The following POLH variants were observed in gnomAD, a reference collection of about 807,000 sequenced individuals.
The protein encoded by POLH is DNA polymerase eta transcript.
POLH carries 53 observed loss-of-function variants against 73.6 expected under a neutral mutation model. The ratio of observed to expected loss-of-function variants is 0.72; its 90% CI spans 0.58 to 0.91. The LOEUF is 0.91. Among genes scored for constraint, POLH ranks in the 40% least tolerant of loss-of-function variants. The pLI is 0.00. For missense variants in POLH, 768 were observed against 865.4 expected, an observed-to-expected ratio of 0.89 and a Z score of 1.41; for synonymous variants, 292 against 308.5, an observed-to-expected ratio of 0.95 and a Z score of 0.56.
rs755826058 is a variant in POLH at position 43,587,413 on chromosome 6, G to A, written c.414G>A (p.Ser138=). Reference sequence around the variant, plus strand: ...AAAAGCTACAAGGTCAGCCTATCTCGGCAGACTTGTTGCCAAGCACTTACA... The same window carrying A: ...AAAAGCTACAAGGTCAGCCTATCTCAGCAGACTTGTTGCCAAGCACTTACA... ...RLQKLQGQPI[S]ADLLPSTYIE... The change falls in exon 4 of 11, where the codon TCG becomes TCA. Residue 138 remains serine, a synonymous_variant. Transcript: ENST00000372236. The A allele has an allele frequency of 6.2e-7, 1 of 1,614,190 alleles. No individual in the cohort carries two copies. Among genetic ancestry groups the A allele is most frequent in the Non-Finnish European group, 8.5e-7 (1 of 1,180,038 alleles).
chr6:43,583,853 A>G (rs6936582), intron 3 of POLH, among the ~76,000 whole-genome samples: 28,663 of 152,188 alleles, frequency 0.19, 5,763 homozygotes, highest in African/African-American at 0.51. Flanking sequence ...TAGGCTGGGG[A>G]TGGTGGCTCA....
At position 43,605,301 on chromosome 6, in the gene POLH, G is replaced by A; in HGVS notation, c.1056G>A (p.Leu352=). ...LQLAQELEER[L]TKDRNDNDRV... ...TAGCCCAGGAACTAGAGGAGAGACTGACTAAAGACCGAAATGATGTAAGAT... is the reference window on the plus strand; with the variant it reads ...TAGCCCAGGAACTAGAGGAGAGACTAACTAAAGACCGAAATGATGTAAGAT... Residue 352 remains leucine, a synonymous_variant, in exon 9 of 11, where the codon CTG becomes CTA. Coordinates refer to ENST00000372236, the MANE Select transcript of POLH (RefSeq NM_006502.3). 6.3e-7 allele frequency: 1 copy of A among 1,589,706 alleles called. No homozygotes were observed. The highest frequency in any genetic ancestry group is 8.6e-7 in the Non-Finnish European group (1 of 1,158,156).
intron 9 of POLH, among the ~76,000 whole-genome samples, chr6:43,609,675 TTGG>T (rs1767671366): frequency 6.6e-6 from 1 of 152,198 alleles, no homozygotes; most frequent in African/African-American, 2.4e-5. Context: ...ACTTCTGGAA[TTGG>T]TGGCGAATGT....
chr6:43,611,224 C>G (rs1439961169), intron 10 of POLH, among the ~76,000 whole-genome samples: 3 of 152,202 alleles, frequency 2.0e-5, no homozygotes, highest in Non-Finnish European at 1.5e-5. Context: ...AGGTTAGACC[C>G]TTACTCTGTA....
intron 3 of POLH, among the ~76,000 whole-genome samples, chr6:43,586,387 A>G (rs2127777948): frequency 6.6e-6 from 1 of 152,350 alleles, no homozygotes; most frequent in South Asian, 2.1e-4. Context: ...AGGCTGAGGC[A>G]GGAGAATTGC....
At chr6:43,584,563 T>G (rs1267071243) in intron 3 of POLH, among the ~76,000 whole-genome samples, 1 of 152,092 alleles carries the variant, frequency 6.6e-6, no homozygotes, top group Non-Finnish European at 1.5e-5. Context: ...GGTGTGGAAG[T>G]ATTTCCCCAC....
rs1768500492 is a variant in POLH at position 43,618,613 on chromosome 6, C to T, written c.*4056C>T. On this transcript the variant is annotated 3_prime_UTR_variant, in exon 11 of 11. Coordinates refer to ENST00000372236, the MANE Select transcript of POLH (RefSeq NM_006502.3). ...TGGGCCCAGAGAATGGTGTACACAT[C>T]CCTCCCATACATATACCCAAACTTC... Among the ~76,000 whole-genome samples the T allele has an allele frequency of 6.6e-6, 1 of 152,210 alleles. No homozygotes were observed. The highest frequency in any genetic ancestry group is 1.5e-5 in the Non-Finnish European group (1 of 67,994).
chr6:43,586,548 G>A (rs1358062547), intron 3 of POLH, among the ~76,000 whole-genome samples: 1 of 152,156 alleles, frequency 6.6e-6, no homozygotes, highest in East Asian at 1.9e-4. Flanking sequence ...AGCCAGAAGA[G>A]CTGCTTATTA....
rs1159699936 is a variant in POLH, at chr6:43,615,948, A to G, written c.*1391A>G. On this transcript the variant is annotated 3_prime_UTR_variant, in exon 11 of 11. Transcript: ENST00000372236. ...GACCTCCCAAAGTTGCTGGGATTAC[A>G]GATGTTAGCCACCGATCCTGGCCCC... Among the ~76,000 whole-genome samples the G allele has an allele frequency of 6.6e-6, 1 of 151,954 alleles. No homozygotes were observed. Among genetic ancestry groups the G allele is most frequent in the African/African-American group, 2.4e-5 (1 of 41,416 alleles).
At chr6:43,613,401 T>C (rs1343298078) in intron 10 of POLH, among the ~76,000 whole-genome samples, 1 of 152,118 alleles carries the variant, frequency 6.6e-6, no homozygotes, top group Non-Finnish European at 1.5e-5. Context: ...AAATTAGTGG[T>C]TCTCAAGACA....
rs1163045494 is a variant in POLH at position 43,610,690 on chromosome 6, A to G, written c.1211A>G (p.Lys404Arg). The change falls in exon 10 of 11, where the codon AAG (lysine) becomes AGG (arginine). Residue 404 changes from lysine (K) to arginine (R), a missense_variant. By Grantham distance (26) the Lys-to-Arg change is conservative. Transcript: ENST00000372236. ...KMSHDAFTVI[K>R]NCNTSGIQTE... ...AGCCATGATGCATTTACTGTCATCA[A>G]GAACTGTAATACTTCTGGAATCCAG... The G allele has an allele frequency of 6.2e-6, 10 of 1,613,142 alleles. No individual in the cohort carries two copies. Among genetic ancestry groups the G allele is most frequent in the African/African-American group, 5.3e-5 (4 of 74,926 alleles).
chr6:43,597,946 A>G, intron 5 of POLH, 81 bp downstream of exon 5: 1 of 1,282,802 alleles, frequency 7.8e-7, no homozygotes, highest in Non-Finnish European at 1.1e-6. Flanking sequence ...CATTGAAATT[A>G]TTACACATAG....
At position 43,614,779 on chromosome 6, in the gene POLH, TTAATCTTTAGCA is replaced by T. The variant is rs1205110166; in HGVS notation, c.*224_*235del. 2.7e-5 allele frequency: 14 copies of T among 526,988 alleles called. No homozygotes were observed. In the East Asian group the frequency reaches 4.1e-4, roughly 16 times the overall value. The allele number at this position is 526,988 out of a possible 1,614,324, so 32.6% of individuals were successfully genotyped here. ...GTAAAAATTCATCCTACCAGAGTTT[TTAATCTTTAGCA>T]TTTAGGGAGGCAGTGTCATAAAGTA... On this transcript the variant is annotated 3_prime_UTR_variant, in exon 11 of 11. Coordinates refer to ENST00000372236, the MANE Select transcript of POLH (RefSeq NM_006502.3).
chr6:43,617,972 A>C lies in POLH; in HGVS notation c.*3415A>C, dbSNP rs1358771560. Among the ~76,000 whole-genome samples, 1 of 152,220 alleles carries C rather than the reference A, an allele frequency of 6.6e-6. No homozygotes were observed. Among genetic ancestry groups the C allele is most frequent in the Non-Finnish European group, 1.5e-5 (1 of 68,036 alleles). ...AAAGTTTGAGAAATGCTGATCTAAA[A>C]GATACTAATGACCAGGTGTGTAGAG... is the stretch of plus-strand genomic sequence containing the variant. On this transcript the variant is annotated 3_prime_UTR_variant, in exon 11 of 11. Transcript: ENST00000372236.
rs1415943969 is a variant in POLH, at chr6:43,580,737, C to A, written c.-4-1579C>A. Reference sequence around the variant, plus strand: ...GGGGCCGACACCCCCACCTCCCTCCCGGACGGGGCGGCTGGCCGGGCGGGG... The same window carrying A: ...GGGGCCGACACCCCCACCTCCCTCCAGGACGGGGCGGCTGGCCGGGCGGGG... On this transcript the variant is annotated intron_variant, in intron 1 of 10. Transcript: ENST00000372236. 3.7e-5 allele frequency among the ~76,000 whole-genome samples: 5 copies of A among 135,464 alleles called. No individual in the cohort carries two copies. The East Asian group carries it at 1.1e-3, about 30-fold the overall frequency. The allele number at this position is 135,464 out of a possible 152,430, so 88.9% of individuals were successfully genotyped here.
chr6:43,611,229 T>C (rs1279251189), intron 10 of POLH, among the ~76,000 whole-genome samples: 1 of 152,242 alleles, frequency 6.6e-6, no homozygotes, highest in Non-Finnish European at 1.5e-5. Context: ...AGACCCTTAC[T>C]CTGTATTGGC....
intron 3 of POLH, among the ~76,000 whole-genome samples, chr6:43,585,661 G>T (rs1197233469): frequency 2.2e-5 from 3 of 136,222 alleles, no homozygotes; most frequent in Non-Finnish European, 3.0e-5. Context: ...TTTTGTGGGT[G>T]GGGGACGGAG....
chr6:43,601,297 C>T (rs1308443644), intron 6 of POLH, among the ~76,000 whole-genome samples: 7 of 151,966 alleles, frequency 4.6e-5, no homozygotes, highest in Admixed American at 2.6e-4. Flanking sequence ...CAGAGTTTCA[C>T]TCTTGTTGCC....
At chr6:43,585,349 A>G (rs9333516) in intron 3 of POLH, among the ~76,000 whole-genome samples, 5 of 152,080 alleles carry the variant, frequency 3.3e-5, no homozygotes, top group Admixed American at 2.0e-4. Flanking sequence ...ACCATTGGCT[A>G]TGGGTAATCA....
Sources: allele counts gnomAD v4.1 joint callset (sites outside exome capture counted in the v4.1 genomes callset), GRCh38; gene constraint gnomAD v4.1.1; transcripts MANE v1.5; gene names NCBI Gene and HGNC (gene_info 2026-07-23, HGNC 2026-07-21).